The following PARPBP variants were observed in gnomAD, a reference collection of about 807,000 sequenced individuals.
The protein encoded by PARPBP is PARP1 binding protein, also known as PCNA-interacting partner.
PARPBP carries 52 observed loss-of-function variants against 50.0 expected under a neutral mutation model. That is an observed-to-expected ratio of 1.04 (90% CI 0.83 to 1.31). PARPBP has a LOEUF of 1.31. Among genes scored for constraint, PARPBP ranks in the 50% most tolerant of loss-of-function variants. The pLI, the probability that PARPBP is intolerant of heterozygous loss-of-function variation, is 0.00. For missense variants in PARPBP, 697 were observed against 672.0 expected (o/e 1.04, Z -0.41); for synonymous variants, 244 against 232.1 (o/e 1.05, Z -0.47).
intron 4 of PARPBP, among the ~76,000 whole-genome samples, chr12:102,158,070 G>C (rs1044888094): frequency 1.4e-5 from 2 of 140,984 alleles, no homozygotes; most frequent in Admixed American, 7.4e-5. Context: ...GCAGTGAGCC[G>C]AGATGGTGCC....
At position 102,120,276 on chromosome 12, in the gene PARPBP, C is replaced by T. The variant is rs1880782271; in HGVS notation, c.-14C>T. ...ACTGAAGAGTACGTCTTCGGGTCTA[C>T]CCCTAATCACGTAAGTCTCGCGTCT... On this transcript the variant is annotated 5_prime_UTR_variant, in exon 1 of 11. Transcript: ENST00000327680. 1 of 336,370 alleles carries T rather than the reference C, an allele frequency of 3.0e-6. No homozygotes were observed. The highest frequency in any genetic ancestry group is 2.1e-5 in the South Asian group (1 of 47,252). The allele number at this position is 336,370 out of a possible 1,614,324, so 20.8% of individuals were successfully genotyped here.
intron 10 of PARPBP, 88 bp from the exon 11 acceptor site, chr12:102,195,863 G>A (rs2137649101): frequency 2.5e-6 from 2 of 790,368 alleles, no homozygotes; most frequent in South Asian, 4.1e-5. Flanking sequence ...ATATTCGTTA[G>A]CCATTTTTAA....
chr12:102,188,397 C>T (rs1890504151), intron 9 of PARPBP, among the ~76,000 whole-genome samples: 1 of 151,946 alleles, frequency 6.6e-6, no homozygotes, highest in Non-Finnish European at 1.5e-5. Flanking sequence ...GAGATCCCTA[C>T]AAGGCTCGCA....
intron 6 of PARPBP, among the ~76,000 whole-genome samples, chr12:102,166,297 T>C (rs1226975319): frequency 6.6e-6 from 1 of 152,108 alleles, no homozygotes; most frequent in Non-Finnish European, 1.5e-5. Context: ...TTTCATTTTC[T>C]TATGTGCAAA....
chr12:102,151,424 G>A, intron 3 of PARPBP: 1 of 618,962 alleles, frequency 1.6e-6, no homozygotes. Flanking sequence ...CCTTGAGAAA[G>A]CTCATAAAAT....
At chr12:102,195,677 G>A (rs1049764913) in intron 10 of PARPBP, among the ~76,000 whole-genome samples, 6 of 151,696 alleles carry the variant, frequency 4.0e-5, no homozygotes, top group Admixed American at 1.3e-4. Context: ...TGTAGCATAT[G>A]TTTAAGGATT....
rs149545931 is a variant in PARPBP, at chr12:102,197,076, T to G, written c.*785T>G. ...CAGTATTCTGAACTCCATTCTCAGC[T>G]GGGAAAGCTACAGATCCTTTTAGTG... On this transcript the variant is annotated 3_prime_UTR_variant, in exon 11 of 11. Coordinates refer to ENST00000327680, the MANE Select transcript of PARPBP (RefSeq NM_017915.5). The G allele has an allele frequency of 2.5e-6, 4 of 1,612,086 alleles. No individual in the cohort carries two copies. Among genetic ancestry groups the G allele is most frequent in the Non-Finnish European group, 3.4e-6 (4 of 1,178,628 alleles).
At chr12:102,120,789 T>G (rs1880923480) in intron 1 of PARPBP, among the ~76,000 whole-genome samples, 1 of 152,218 alleles carries the variant, frequency 6.6e-6, no homozygotes, top group Non-Finnish European at 1.5e-5. Context: ...AGGAATTCCC[T>G]TCCTGGTTTT....
At chr12:102,166,466 C>T (rs1013409007) in intron 6 of PARPBP, among the ~76,000 whole-genome samples, 1 of 151,994 alleles carries the variant, frequency 6.6e-6, no homozygotes, top group Non-Finnish European at 1.5e-5. Context: ...GGATCATTGT[C>T]AATTTGGTAT....
intron 2 of PARPBP, among the ~76,000 whole-genome samples, chr12:102,140,802 T>A (rs917752933): frequency 9.9e-5 from 15 of 152,192 alleles, no homozygotes; most frequent in African/African-American, 3.4e-4. Flanking sequence ...TTTGAGTGAG[T>A]TTCTTAATCC....
intron 7 of PARPBP, among the ~76,000 whole-genome samples, chr12:102,177,215 G>T (rs879354811): frequency 3.9e-5 from 6 of 152,152 alleles, no homozygotes; most frequent in Non-Finnish European, 8.8e-5. Context: ...ACCTGAGTCT[G>T]CCAACAGAGA....
intron 7 of PARPBP, among the ~76,000 whole-genome samples, chr12:102,177,701 G>A (rs1314067839): frequency 1.3e-5 from 2 of 151,998 alleles, no homozygotes; most frequent in Admixed American, 6.6e-5. Context: ...TGCCATCATT[G>A]GTTCTTTAAA....
At chr12:102,123,038 T>C (rs1186227083) in intron 1 of PARPBP, among the ~76,000 whole-genome samples, 1 of 152,200 alleles carries the variant, frequency 6.6e-6, no homozygotes, top group Non-Finnish European at 1.5e-5. Context: ...CTAGTGGTCA[T>C]ACAGGACACA....
intron 2 of PARPBP, among the ~76,000 whole-genome samples, chr12:102,144,847 G>T (rs1885142423): frequency 6.6e-6 from 1 of 152,076 alleles, no homozygotes. Flanking sequence ...ACAGTTTTTG[G>T]TACAATGCTG....
intron 9 of PARPBP, among the ~76,000 whole-genome samples, chr12:102,194,897 T>C (rs1201893863): frequency 6.6e-6 from 1 of 151,712 alleles, no homozygotes; most frequent in African/African-American, 2.4e-5. Context: ...ATGCTATTTT[T>C]TTTCCAAGAG....
intron 2 of PARPBP, among the ~76,000 whole-genome samples, chr12:102,147,786 A>G (rs189428603): frequency 1.7e-4 from 26 of 152,304 alleles, no homozygotes; most frequent in Admixed American, 1.6e-3. Context: ...ATTGTGTTAT[A>G]TGGGAATTCA....
chr12:102,132,384 A>T (rs1202517877), intron 2 of PARPBP, among the ~76,000 whole-genome samples: 5 of 152,202 alleles, frequency 3.3e-5, no homozygotes, highest in Non-Finnish European at 7.3e-5. Flanking sequence ...GTAGATACCC[A>T]GTTGTCCAAC....
chr12:102,160,702 A>G (rs1405712140), intron 4 of PARPBP, among the ~76,000 whole-genome samples: 1 of 152,222 alleles, frequency 6.6e-6, no homozygotes, highest in East Asian at 1.9e-4. Flanking sequence ...TAATCCCAGC[A>G]CTTTGGGAGG....
At chr12:102,128,022 G>A (rs1219309392) in intron 2 of PARPBP, among the ~76,000 whole-genome samples, 2 of 152,038 alleles carry the variant, frequency 1.3e-5, no homozygotes, top group Non-Finnish European at 2.9e-5. Flanking sequence ...TAACATTTTT[G>A]TGGTGATAAC....
Sources: allele counts gnomAD v4.1 joint callset (sites outside exome capture counted in the v4.1 genomes callset), GRCh38; gene constraint gnomAD v4.1.1; transcripts MANE v1.5; gene names NCBI Gene and HGNC (gene_info 2026-07-23, HGNC 2026-07-21).